The following KCNIP1 variants were observed in gnomAD, a reference collection of about 807,000 sequenced individuals.
KCNIP1 encodes A-type potassium channel modulatory protein KCNIP1.
KCNIP1 carries 18 observed loss-of-function variants against 33.0 expected under a neutral mutation model. That is an observed-to-expected ratio of 0.55 (90% confidence interval 0.38 to 0.81). The LOEUF is 0.81. KCNIP1 is among the 30% of genes least tolerant of loss of function. The pLI is 0.00. For synonymous variants in KCNIP1, 93 were observed against 98.3 expected (o/e 0.95, Z 0.32); for missense variants, 238 against 271.6 (o/e 0.88, Z 0.87).
chr5:170,467,403 A>T lies in KCNIP1; in HGVS notation c.88+113439A>T, dbSNP rs145281086. Among the ~76,000 whole-genome samples, 202 of 152,312 alleles carry T rather than the reference A, an allele frequency of 1.3e-3. 2 individuals are homozygous for T. The highest frequency in any genetic ancestry group is 1.9e-3 in the Non-Finnish European group (131 of 68,020). On this transcript the variant is annotated intron_variant, in intron 1 of 7. Transcript: ENST00000377360. Reference sequence around the variant, plus strand: ...CCACCATTACTTTTGCACCAACCCAATAAGAAAGTTGGAGGATCTTCACAA... The same window carrying T: ...CCACCATTACTTTTGCACCAACCCATTAAGAAAGTTGGAGGATCTTCACAA...
At chr5:170,404,929 T>G (rs1463792842) in intron 1 of KCNIP1, among the ~76,000 whole-genome samples, 2 of 152,230 alleles carry the variant, frequency 1.3e-5, no homozygotes, top group Non-Finnish European at 2.9e-5. Context: ...TACAGTTTAC[T>G]TAAGCATCTC....
chr5:170,688,074 T>C (rs189827256), intron 1 of KCNIP1, among the ~76,000 whole-genome samples: 1 of 152,344 alleles, frequency 6.6e-6, no homozygotes, highest in Non-Finnish European at 1.5e-5. Context: ...GTTCTTTATA[T>C]ACATGATATA....
chr5:170,701,199 G>A (rs1763089049), intron 1 of KCNIP1, among the ~76,000 whole-genome samples: 1 of 152,202 alleles, frequency 6.6e-6, no homozygotes, highest in African/African-American at 2.4e-5. Context: ...AGGGTTTCAG[G>A]ATTTGAGATG....
At chr5:170,727,312 A>G (rs1363938157) in intron 5 of KCNIP1, among the ~76,000 whole-genome samples, 1 of 152,172 alleles carries the variant, frequency 6.6e-6, no homozygotes, top group Non-Finnish European at 1.5e-5. Flanking sequence ...CTTGAGAGGC[A>G]CTCACTGCGA....
intron 1 of KCNIP1, among the ~76,000 whole-genome samples, chr5:170,652,497 AAAAGG>A (rs1377769407): frequency 1.5e-3 from 121 of 80,922 alleles, no homozygotes; most frequent in Admixed American, 1.3e-3. Flanking sequence ...AAAAAAAAAA[AAAAGG>A]AAGGAAGGAA....
intron 1 of KCNIP1, among the ~76,000 whole-genome samples, chr5:170,574,004 C>T (rs1167396593): frequency 6.6e-6 from 1 of 152,190 alleles, no homozygotes; most frequent in African/African-American, 2.4e-5. Context: ...AGAAAAACTC[C>T]TTGCAGAGGG....
chr5:170,635,236 G>A (rs1216179376), intron 1 of KCNIP1, among the ~76,000 whole-genome samples: 1 of 152,114 alleles, frequency 6.6e-6, no homozygotes, highest in East Asian at 1.9e-4. Flanking sequence ...CATCTTGTTG[G>A]CCAGGCTTGT....
intron 1 of KCNIP1, among the ~76,000 whole-genome samples, chr5:170,578,701 A>T (rs1422629779): frequency 6.6e-6 from 1 of 152,240 alleles, no homozygotes; most frequent in Non-Finnish European, 1.5e-5. Flanking sequence ...TGGACAATAG[A>T]CAAACAAATA....
chr5:170,486,295 A>G (rs1210357399), intron 1 of KCNIP1: 1 of 152,246 alleles, frequency 6.6e-6, no homozygotes, highest in African/African-American at 2.4e-5. Context: ...TTAGCAGGTC[A>G]GGGATTCCAG....
At chr5:170,594,612 G>A (rs1306671358) in intron 1 of KCNIP1, among the ~76,000 whole-genome samples, 1 of 152,154 alleles carries the variant, frequency 6.6e-6, no homozygotes, top group African/African-American at 2.4e-5. Flanking sequence ...CCAGGTTCAA[G>A]CAATTCTCCT....
chr5:170,354,518 C>T (rs1763294096), intron 1 of KCNIP1, among the ~76,000 whole-genome samples: 1 of 152,198 alleles, frequency 6.6e-6, no homozygotes, highest in Non-Finnish European at 1.5e-5. Context: ...CTTCATTCAT[C>T]GTTCTGCTTT....
At position 170,489,047 on chromosome 5, in the gene KCNIP1, G is replaced by C. The variant is rs368232838; in HGVS notation, c.88+135083G>C. On this transcript the variant is annotated intron_variant, in intron 1 of 7. Transcript: ENST00000377360. This position sits in a 1 kb window ranked among gnomAD's most constrained non-coding sequence, Gnocchi z 4.3. Reference sequence around the variant, plus strand: ...AGCCCACTCGGGCTCTGAGCAGAAGGAAGATTTCATTAGTGTTAGAGAGGA... The same window carrying C: ...AGCCCACTCGGGCTCTGAGCAGAAGCAAGATTTCATTAGTGTTAGAGAGGA... Among the ~76,000 whole-genome samples, 114 of 152,294 alleles carry C rather than the reference G, an allele frequency of 7.5e-4. 1 individual carries two copies. In the South Asian group the frequency reaches 9.5e-3, roughly 13 times the overall value.
chr5:170,596,055 G>A (rs1183357398), intron 1 of KCNIP1, among the ~76,000 whole-genome samples: 1 of 152,138 alleles, frequency 6.6e-6, no homozygotes, highest in African/African-American at 2.4e-5. Flanking sequence ...AAGATGCAGG[G>A]ACTCAAAAAG....
chr5:170,601,729 C>T (rs905810), intron 1 of KCNIP1, among the ~76,000 whole-genome samples: 3,084 of 152,316 alleles, frequency 0.02, 44 homozygotes, highest in East Asian at 0.055. Flanking sequence ...TTCCTGTGCT[C>T]AGGAAGCCCA....
intron 1 of KCNIP1, among the ~76,000 whole-genome samples, chr5:170,439,151 G>C (rs533652808): frequency 6.6e-6 from 1 of 152,136 alleles, no homozygotes; most frequent in African/African-American, 2.4e-5. Flanking sequence ...CTGAACAGCT[G>C]GGAATAAGGG....
intron 1 of KCNIP1, chr5:170,383,476 ACACAGCCAGTTAGCGGCAGATT>A (rs1764335495): frequency 1.2e-5 from 8 of 642,340 alleles, no homozygotes; most frequent in Non-Finnish European, 2.2e-5. Context: ...GCCTATGTTT[ACACAGCCAGTTAGCGGCAGATT>A]CAAACCCAGG....
intron 1 of KCNIP1, among the ~76,000 whole-genome samples, chr5:170,482,551 A>G (rs1268012867): frequency 6.6e-6 from 1 of 152,162 alleles, no homozygotes; most frequent in Non-Finnish European, 1.5e-5. Context: ...TCTAGGACTC[A>G]CAGATGAGCG....
At chr5:170,637,475 G>C (rs1760331770) in intron 1 of KCNIP1, among the ~76,000 whole-genome samples, 1 of 152,148 alleles carries the variant, frequency 6.6e-6, no homozygotes, top group African/African-American at 2.4e-5. Flanking sequence ...GCAAAGGGCA[G>C]CAGCTAGCAC....
At position 170,598,904 on chromosome 5, in the gene KCNIP1, CGTGT is replaced by C. The variant is rs70979192; in HGVS notation, c.61+94306_61+94309del. Among the ~76,000 whole-genome samples, 1,157 of 133,854 alleles carry C rather than the reference CGTGT, an allele frequency of 8.6e-3. 12 individuals carry two copies. Among genetic ancestry groups the C allele is most frequent in the African/African-American group, 0.013 (442 of 34,684 alleles). 87.8% of individuals were successfully genotyped at this position (133,854 alleles called of 152,430 possible). A position where few individuals can be genotyped will look rare whatever the true frequency, so the allele number is the denominator to read the frequency against. On this transcript the variant is annotated intron_variant, in intron 1 of 7. Coordinates refer to ENST00000328939, the MANE Select transcript of KCNIP1 (RefSeq NM_014592.4). ...CATAGCCCCGCTGTGTGTGTGTGCG[CGTGT>C]GTGTGTGTGTGTGTGTGTGTGTGTG...
Sources: allele counts gnomAD v4.1 joint callset (sites outside exome capture counted in the v4.1 genomes callset), GRCh38; gene constraint gnomAD v4.1.1; non-coding constraint Gnocchi (gnomAD v3.1); transcripts MANE v1.5; gene names NCBI Gene and HGNC (gene_info 2026-07-23, HGNC 2026-07-21).